CDS2: variants seen among roughly 807,000 people sequenced by gnomAD.
CDS2 encodes the protein CDP-diacylglycerol synthase 2, also known as phosphatidate cytidylyltransferase 2.
In CDS2, 47 loss-of-function variants were observed where a neutral mutation model predicts 59.0. The observed-to-expected ratio is 0.80, with a 90% CI of 0.63 to 1.02. The LOEUF is 1.02. Ranked by LOEUF, CDS2 falls within the 50% of genes least tolerant of loss-of-function variation. The pLI is 0.00. For missense variants in CDS2, 356 were observed against 558.9 expected (o/e 0.64, Z 3.66); for synonymous variants, 207 against 206.4 (o/e 1.00, Z -0.02).
chr20:5,148,150 T>C (rs2090758852), intron 1 of CDS2, among the ~76,000 whole-genome samples: 3 of 152,186 alleles, frequency 2.0e-5, no homozygotes, highest in Admixed American at 2.0e-4. Context: ...AAGATGACTT[T>C]GGATTCAAGT....
In CDS2 at chr20:5,191,516, G is replaced by C. The variant is rs1022474465; in HGVS notation, c.*1282G>C. 3.9e-5 allele frequency: 6 copies of C among 152,244 alleles called. No individual in the cohort carries two copies. The highest frequency in any genetic ancestry group is 3.9e-4 in the Admixed American group (6 of 15,290). 9.4% of individuals were successfully genotyped at this position (152,244 alleles called of 1,614,324 possible). ...TGATGGAGTGCGGGAGAGAGAACTT[G>C]GCACCCAAATATATCAAACTATTCC... On this transcript the variant is annotated 3_prime_UTR_variant, in exon 13 of 13. Coordinates refer to ENST00000460006, the MANE Select transcript of CDS2 (RefSeq NM_003818.4).
chr20:5,185,368 G>A (rs2091059865), intron 8 of CDS2, among the ~76,000 whole-genome samples: 1 of 152,164 alleles, frequency 6.6e-6, no homozygotes, highest in Admixed American at 6.5e-5. Flanking sequence ...GAGGCTTCAA[G>A]GAGCTGTGAT....
chr20:5,163,355 G>A (rs1283979359), intron 1 of CDS2, among the ~76,000 whole-genome samples: 1 of 149,986 alleles, frequency 6.7e-6, no homozygotes, highest in African/African-American at 2.4e-5. Context: ...TCCACCTCCC[G>A]GATTCAATCG....
intron 7 of CDS2, 41 bp downstream of exon 7, chr20:5,183,184 T>A: frequency 6.5e-7 from 1 of 1,545,808 alleles, no homozygotes; most frequent in Non-Finnish European, 8.9e-7. Context: ...ATTTTGTGAG[T>A]GTTTCTCGTG....
intron 1 of CDS2, among the ~76,000 whole-genome samples, chr20:5,129,849 G>C (rs2090589756): frequency 6.6e-6 from 1 of 151,962 alleles, no homozygotes; most frequent in South Asian, 2.1e-4. Flanking sequence ...AAAGTGCTGA[G>C]ACTACAGACG....
At chr20:5,188,348 A>G (rs1398736033) in intron 10 of CDS2, among the ~76,000 whole-genome samples, 1 of 152,228 alleles carries the variant, frequency 6.6e-6, no homozygotes, top group Non-Finnish European at 1.5e-5. Flanking sequence ...GCTCTGGTGT[A>G]GTGTCAGAGA....
chr20:5,133,099 C>T (rs141667531), intron 1 of CDS2, among the ~76,000 whole-genome samples: 205 of 151,828 alleles, frequency 1.4e-3, no homozygotes, highest in African/African-American at 4.6e-3. Flanking sequence ...GGCGTGAACC[C>T]GGGAGGCGGA....
At chr20:5,161,766 G>T (rs771457226) in intron 1 of CDS2, among the ~76,000 whole-genome samples, 1 of 152,082 alleles carries the variant, frequency 6.6e-6, no homozygotes, top group East Asian at 1.9e-4. Context: ...TTGTCTCCAG[G>T]CCTAGCCCTT....
rs149449414 is a variant in CDS2, at chr20:5,190,180, G to A, written c.1284G>A (p.Leu428=). ...PDQQLHIFNT[L]RSHLIDKGML... ...AGCAGCTCCACATCTTCAACACGCT[G>A]CGGTCTCATCTGATCGACAAAGGGA... The change falls in exon 13 of 13, where the codon CTG becomes CTA. Residue 428 remains leucine, a synonymous_variant. Coordinates refer to ENST00000460006, the MANE Select transcript of CDS2 (RefSeq NM_003818.4). 34 of 1,613,876 alleles carry A rather than the reference G, an allele frequency of 2.1e-5. No homozygotes were observed. The highest frequency in any genetic ancestry group is 4.5e-5 in the East Asian group (2 of 44,892).
chr20:5,148,496 C>T (rs992687279), intron 1 of CDS2, among the ~76,000 whole-genome samples: 11 of 152,172 alleles, frequency 7.2e-5, no homozygotes, highest in African/African-American at 2.2e-4. Context: ...CTCATGGAGA[C>T]TGGTAGGCTG....
At chr20:5,168,033 G>A (rs1281569577) in intron 1 of CDS2, among the ~76,000 whole-genome samples, 1 of 152,114 alleles carries the variant, frequency 6.6e-6, no homozygotes, top group African/African-American at 2.4e-5. Context: ...TCTTTCCCTA[G>A]TTTTTAGTTC....
intron 4 of CDS2, among the ~76,000 whole-genome samples, chr20:5,177,292 G>A (rs2091001573): frequency 6.6e-6 from 1 of 151,854 alleles, no homozygotes; most frequent in Admixed American, 6.6e-5. Context: ...CTTGGAACTT[G>A]GTTTCCTTAT....
chr20:5,172,071 C>G (rs2090960089), intron 1 of CDS2, among the ~76,000 whole-genome samples: 1 of 152,222 alleles, frequency 6.6e-6, no homozygotes, highest in Non-Finnish European at 1.5e-5. Context: ...AGCTGTCTCC[C>G]TGAGGGCAGG....
chr20:5,185,622 T>C, intron 8 of CDS2, 136 bp from the exon 9 acceptor site: 5 of 689,704 alleles, frequency 7.2e-6, no homozygotes, highest in Non-Finnish European at 1.3e-5. Context: ...GGAAACCATA[T>C]TTGGGGGAGC....
chr20:5,140,619 T>A (rs2090685676), intron 1 of CDS2, among the ~76,000 whole-genome samples: 1 of 152,218 alleles, frequency 6.6e-6, no homozygotes. Flanking sequence ...TTCTTTCCTT[T>A]ACAAATTGTG....
At position 5,184,708 on chromosome 20, in the gene CDS2, G is replaced by T. The variant is rs767953137; in HGVS notation, c.672-150G>T. 18 of 671,358 alleles carry T rather than the reference G, an allele frequency of 2.7e-5. No individual in the cohort carries two copies. The highest frequency in any genetic ancestry group is 2.5e-4 in the Middle Eastern group (1 of 3,924). 41.6% of individuals were successfully genotyped at this position (671,358 alleles called of 1,614,324 possible). A position where few individuals can be genotyped will look rare whatever the true frequency, so the allele number is the denominator to read the frequency against. ...CTAGGTACTAGGTATGACTTTTTTGGTATTTTTTATGTTTTTAACTTACTC... is the reference window on the plus strand; with the variant it reads ...CTAGGTACTAGGTATGACTTTTTTGTTATTTTTTATGTTTTTAACTTACTC... On this transcript the variant is annotated intron_variant, in intron 7 of 12. Transcript: ENST00000460006. This position sits in a 1 kb window ranked among gnomAD's most constrained non-coding sequence, Gnocchi z 4.3.
rs558833416 is a variant in CDS2, at chr20:5,166,602, G to T, written c.58-6921G>T. The stretch of plus-strand genomic sequence containing the variant: ...GCGGGGACAGGCTGATGAAGAGGCA[G>T]TTCCTAAGGAGAAGGTCAGCTAAAG... On this transcript the variant is annotated intron_variant, in intron 1 of 12. Transcript: ENST00000460006. Among the ~76,000 whole-genome samples, 216 of 152,294 alleles carry T rather than the reference G, an allele frequency of 1.4e-3. 1 individual carries two copies. The highest frequency in any genetic ancestry group is 5.1e-3 in the African/African-American group (211 of 41,560).
rs1460955066 is a variant in CDS2, at chr20:5,193,138, C to T, written c.*2904C>T. The T allele has an allele frequency of 6.6e-6, 1 of 152,250 alleles. No individual in the cohort carries two copies. Among genetic ancestry groups the T allele is most frequent in the Non-Finnish European group, 1.5e-5 (1 of 68,050 alleles). 9.4% of individuals were successfully genotyped at this position (152,250 alleles called of 1,614,324 possible). A position where few individuals can be genotyped will look rare whatever the true frequency, so the allele number is the denominator to read the frequency against. The stretch of plus-strand genomic sequence containing the variant: ...TGGGAGCTCTGCTCATGACCGCTCA[C>T]AGGGTACCGAGTCTTTGCCTTTTGT... On this transcript the variant is annotated 3_prime_UTR_variant, in exon 13 of 13. Transcript: ENST00000460006.
rs144001308 is a variant in CDS2, at chr20:5,137,162, T to C, written c.57+10013T>C. On this transcript the variant is annotated intron_variant, in intron 1 of 12. Coordinates refer to ENST00000460006, the MANE Select transcript of CDS2 (RefSeq NM_003818.4). ...TCTCTTAACTGGCCTTTCTCCCTGC[T>C]TGGTGCCTCTGTGTCATGGATCTTG... 9.2e-3 allele frequency among the ~76,000 whole-genome samples: 1,393 copies of C among 151,954 alleles called. 21 individuals are homozygous for C. Among genetic ancestry groups the C allele is most frequent in the African/African-American group, 0.032 (1,342 of 41,438 alleles).
Sources: gnomAD v4.1 joint callset for allele counts (sites outside exome capture counted in the v4.1 genomes callset) on GRCh38, gnomAD v4.1.1 for gene constraint, Gnocchi (gnomAD v3.1) non-coding constraint, MANE v1.5 for transcripts, NCBI Gene and HGNC (gene_info 2026-07-23, HGNC 2026-07-21) for gene names.